Variants in ARMH3 observed in about 807,000 individuals in gnomAD.
ARMH3 encodes the protein armadillo like helical domain containing 3.
ARMH3 carries 60 observed loss-of-function variants against 99.1 expected under a neutral mutation model. The ratio of observed to expected loss-of-function variants is 0.61; its 90% CI spans 0.49 to 0.75. The LOEUF is 0.75. Among genes scored for constraint, ARMH3 ranks in the 30% least tolerant of loss-of-function variants. ARMH3 has a pLI of 0.00. For missense variants in ARMH3, 679 were observed against 843.1 expected (o/e 0.81, Z 2.41); for synonymous variants, 285 against 292.8 (o/e 0.97, Z 0.27).
chr10:102,032,642 T>C (rs2067157826), intron 4 of ARMH3, among the ~76,000 whole-genome samples: 1 of 152,048 alleles, frequency 6.6e-6, no homozygotes, highest in Non-Finnish European at 1.5e-5. Flanking sequence ...TCAAGTGATC[T>C]GCCCACCTCA....
chr10:101,940,062 G>T, intron 22 of ARMH3, 124 bp from the exon 23 acceptor site: 2 of 645,284 alleles, frequency 3.1e-6, no homozygotes, highest in African/African-American at 1.8e-5. Flanking sequence ...CCAATCTTCT[G>T]TTAAAAACAT....
intron 24 of ARMH3, among the ~76,000 whole-genome samples, chr10:101,865,763 A>G (rs1421171940): frequency 6.6e-6 from 1 of 151,052 alleles, no homozygotes; most frequent in Admixed American, 6.6e-5. Context: ...TGCTGGGATT[A>G]CAGGCGTGAG....
At chr10:101,974,437 G>T (rs568793584) in intron 20 of ARMH3, among the ~76,000 whole-genome samples, 2 of 152,248 alleles carry the variant, frequency 1.3e-5, no homozygotes, top group African/African-American at 4.8e-5. Flanking sequence ...AGATTTTATT[G>T]TACCATCAGG....
intron 24 of ARMH3, among the ~76,000 whole-genome samples, chr10:101,851,015 C>G (rs1412548304): frequency 6.6e-6 from 1 of 152,216 alleles, no homozygotes; most frequent in Non-Finnish European, 1.5e-5. Flanking sequence ...CCATCTGCTA[C>G]TTGTTTTCAT....
intron 2 of ARMH3, among the ~76,000 whole-genome samples, chr10:102,034,635 C>CA (rs879442856): frequency 1.6e-3 from 180 of 109,754 alleles, no homozygotes; most frequent in African/African-American, 4.0e-3. Flanking sequence ...GACTCCATCT[C>CA]AAAAAAAAAA....
intron 23 of ARMH3, among the ~76,000 whole-genome samples, chr10:101,894,266 A>C (rs1210527857): frequency 2.6e-5 from 4 of 152,176 alleles, no homozygotes; most frequent in Non-Finnish European, 4.4e-5. Flanking sequence ...ATAGTCTAAC[A>C]CTGGCTCTTC....
At chr10:102,048,171 C>T (rs1303171425) in intron 1 of ARMH3, among the ~76,000 whole-genome samples, 1 of 152,158 alleles carries the variant, frequency 6.6e-6, no homozygotes, top group Non-Finnish European at 1.5e-5. Context: ...CTAAAAAGGG[C>T]GTTGAAGCAA....
chr10:102,032,558 G>A (rs755279839), intron 4 of ARMH3, among the ~76,000 whole-genome samples: 1 of 152,026 alleles, frequency 6.6e-6, no homozygotes, highest in Non-Finnish European at 1.5e-5. Context: ...CCACCACCAT[G>A]CCCGGCTAAT....
At position 102,044,118 on chromosome 10, in the gene ARMH3, G is replaced by A. The variant is rs1402584274; in HGVS notation, c.-11-3993C>T. ...TTTTTTTTTTTTTTTTTTGGAGACG[G>A]AGTCTCGCTCTGTCGCCCAGGCTGG... On this transcript the variant is annotated intron_variant, in intron 1 of 25. Transcript: ENST00000370033. Among the ~76,000 whole-genome samples, 3 of 143,804 alleles carry A rather than the reference G, an allele frequency of 2.1e-5. No individual in the cohort carries two copies. In the East Asian group the frequency reaches 6.3e-4, roughly 30 times the overall value. The allele number at this position is 143,804 out of a possible 152,430, so 94.3% of individuals were successfully genotyped here. A position where few individuals can be genotyped will look rare whatever the true frequency, so the allele number is the denominator to read the frequency against.
At chr10:102,054,415 T>A (rs2067787201) in intron 1 of ARMH3, among the ~76,000 whole-genome samples, 1 of 148,158 alleles carries the variant, frequency 6.7e-6, no homozygotes, top group Non-Finnish European at 1.5e-5. Context: ...AGTTGAACAA[T>A]AAATTGTAAT....
intron 20 of ARMH3, among the ~76,000 whole-genome samples, chr10:101,974,591 C>T (rs1845908209): frequency 6.6e-6 from 1 of 152,150 alleles, no homozygotes; most frequent in African/African-American, 2.4e-5. Flanking sequence ...AGGCACTTCC[C>T]CCCTGCAGGG....
intron 22 of ARMH3, among the ~76,000 whole-genome samples, chr10:101,944,273 T>TAGAGAGAGAG (rs55633048): frequency 3.9e-5 from 1 of 25,402 alleles, no homozygotes; most frequent in Non-Finnish European, 6.6e-5. Context: ...TATATATATA[T>TAGAGAGAGAG]AGAGAGAGAG....
intron 19 of ARMH3, among the ~76,000 whole-genome samples, chr10:101,978,667 G>A (rs1350288366): frequency 1.3e-5 from 2 of 152,054 alleles, no homozygotes; most frequent in Non-Finnish European, 1.5e-5. Flanking sequence ...TAGGCCAGGC[G>A]CAGTAGCTCA....
intron 20 of ARMH3, among the ~76,000 whole-genome samples, chr10:101,963,897 G>A (rs1845422646): frequency 1.4e-5 from 2 of 140,062 alleles, no homozygotes; most frequent in Admixed American, 1.4e-4. Context: ...TTTTTTTTGA[G>A]ACGGAGTCTT....
chr10:102,041,171 T>C (rs182653611), intron 1 of ARMH3, among the ~76,000 whole-genome samples: 1 of 149,256 alleles, frequency 6.7e-6, no homozygotes, highest in Non-Finnish European at 1.5e-5. Context: ...TATATAAAAG[T>C]AGTTTCATGA....
intron 5 of ARMH3, among the ~76,000 whole-genome samples, chr10:102,025,970 A>G (rs753853662): frequency 2.6e-5 from 4 of 152,324 alleles, no homozygotes; most frequent in Non-Finnish European, 4.4e-5. Flanking sequence ...TAAAGAAAGC[A>G]TAACACTTGA....
intron 20 of ARMH3, among the ~76,000 whole-genome samples, chr10:101,967,622 A>T (rs1845594459): frequency 6.6e-6 from 1 of 152,124 alleles, no homozygotes. Context: ...CTGTATTCCC[A>T]GCTACTCGGG....
At chr10:101,868,252 A>C (rs376365123) in intron 24 of ARMH3, among the ~76,000 whole-genome samples, 2 of 152,222 alleles carry the variant, frequency 1.3e-5, no homozygotes, top group South Asian at 4.1e-4. Flanking sequence ...GACATAGAAG[A>C]AGCAGAGCCA....
At chr10:101,945,146 G>A (rs1440656033) in intron 22 of ARMH3, among the ~76,000 whole-genome samples, 3 of 152,062 alleles carry the variant, frequency 2.0e-5, no homozygotes, top group African/African-American at 7.2e-5. Context: ...TTGGAGAAAC[G>A]CTCACAAGAG....
Sources: allele counts gnomAD v4.1 joint callset (sites outside exome capture counted in the v4.1 genomes callset), GRCh38; gene constraint gnomAD v4.1.1; transcripts MANE v1.5; gene names NCBI Gene and HGNC (gene_info 2026-07-23, HGNC 2026-07-21).